Variants in CPAMD8 observed in about 807,000 individuals in gnomAD.
CPAMD8 encodes C3 and PZP-like alpha-2-macroglobulin domain-containing protein 8.
CPAMD8 carries 146 observed loss-of-function variants against 224.7 expected under a neutral mutation model. That is an observed-to-expected ratio of 0.65 (90% CI 0.57 to 0.75). The LOEUF (loss-of-function observed/expected upper bound fraction) is 0.75. Ranked by LOEUF, CPAMD8 falls within the 30% of genes least tolerant of loss-of-function variation. The probability of loss-of-function intolerance (pLI) is 0.00; values close to 1 mark genes in which losing one functional copy is unlikely to be tolerated. For synonymous variants in CPAMD8, 966 were observed against 1,044.6 expected (o/e 0.92, Z 1.45); for missense variants, 2,301 against 2,537.5 (o/e 0.91, Z 2.00).
At position 16,947,243 on chromosome 19, in the gene CPAMD8, T is replaced by C. The variant is rs777693095; in HGVS notation, c.2509-16A>G. ...TCATGTACACCTGCAGAGGGTGGCA[T>C]TGGCTCATGGCGCCTGGAATCCAGA... On this transcript the variant is annotated splice_polypyrimidine_tract_variant and intron_variant, in intron 20 of 41. Transcript: ENST00000443236. The C allele has an allele frequency of 1.5e-5, 24 of 1,602,726 alleles. No individual in the cohort carries two copies. The highest frequency in any genetic ancestry group is 1.9e-5 in the Non-Finnish European group (22 of 1,173,742).
At chr19:17,000,136 A>G in intron 10 of CPAMD8, 1 of 334,024 alleles carries the variant, frequency 3.0e-6, no homozygotes. Flanking sequence ...GAATTTTATC[A>G]TCAGAAAAAT....
At chr19:16,927,252 C>T (rs2053396285) in intron 25 of CPAMD8, among the ~76,000 whole-genome samples, 1 of 152,064 alleles carries the variant, frequency 6.6e-6, no homozygotes, top group Admixed American at 6.5e-5. Flanking sequence ...CCATACTGTT[C>T]TCGCAGTAGT....
intron 30 of CPAMD8, among the ~76,000 whole-genome samples, chr19:16,905,560 GGAAGAAAAGAAAAAAAAA>G (rs2052440732): frequency 1.2e-4 from 13 of 109,468 alleles, no homozygotes; most frequent in Admixed American, 3.8e-4. Flanking sequence ...AAAAAAAAAA[GGAAGAAAAGAAAAAAAAA>G]AAAAAAAAGA....
intron 23 of CPAMD8, among the ~76,000 whole-genome samples, chr19:16,931,860 C>T (rs1435819754): frequency 6.6e-6 from 1 of 152,154 alleles, no homozygotes; most frequent in Non-Finnish European, 1.5e-5. Flanking sequence ...CATATGGAGA[C>T]TACACTACTA....
At chr19:17,013,359 A>C (rs1049752695) in intron 3 of CPAMD8, 1 of 151,660 alleles carries the variant, frequency 6.6e-6, no homozygotes, top group African/African-American at 2.4e-5. Flanking sequence ...AAATACAAAA[A>C]AAATTAGCCA....
intron 19 of CPAMD8, among the ~76,000 whole-genome samples, chr19:16,953,183 A>G (rs1204859751): frequency 6.6e-6 from 1 of 152,162 alleles, no homozygotes; most frequent in Non-Finnish European, 1.5e-5. Context: ...ATGAATTTGG[A>G]CCTTACCTAA....
At chr19:16,992,538 A>G (rs1599863561) in intron 12 of CPAMD8, among the ~76,000 whole-genome samples, 3 of 151,470 alleles carry the variant, frequency 2.0e-5, no homozygotes, top group Admixed American at 2.0e-4. Flanking sequence ...TGCGACTTCC[A>G]CCTCCCGGGT....
chr19:16,941,621 G>A (rs1055233856), intron 22 of CPAMD8, among the ~76,000 whole-genome samples: 2 of 152,130 alleles, frequency 1.3e-5, no homozygotes, highest in African/African-American at 2.4e-5. Flanking sequence ...TCATGGGGGC[G>A]GATTTCCCCC....
chr19:16,915,412 A>G (rs879715001), intron 27 of CPAMD8, among the ~76,000 whole-genome samples: 1 of 152,024 alleles, frequency 6.6e-6, no homozygotes, highest in Non-Finnish European at 1.5e-5. Flanking sequence ...GAAAAAAACG[A>G]GCCCCAGTGC....
At chr19:16,994,508 C>A (rs2056061909) in intron 11 of CPAMD8, among the ~76,000 whole-genome samples, 1 of 146,562 alleles carries the variant, frequency 6.8e-6, no homozygotes, top group Non-Finnish European at 1.5e-5. Flanking sequence ...TCTTCATTAA[C>A]CACTCCCTTT....
chr19:16,894,424 A>C (rs929877139), intron 41 of CPAMD8: 2 of 456,592 alleles, frequency 4.4e-6, no homozygotes, highest in African/African-American at 4.0e-5. Flanking sequence ...CGTTAGGAAG[A>C]GAAGCCGCTC....
In CPAMD8 at chr19:16,972,725, C is replaced by T. The variant is rs1350025948; in HGVS notation, c.2071-1692G>A. On this transcript the variant is annotated intron_variant, in intron 17 of 41. Coordinates refer to ENST00000443236, the MANE Select transcript of CPAMD8 (RefSeq NM_015692.5). ...CTGGGATTACAGGCGTGAGCCACCG[C>T]GCCCAGCCTTTGAATAAGAAATTCA... Among the ~76,000 whole-genome samples the T allele has an allele frequency of 2.6e-5, 4 of 152,144 alleles. No individual in the cohort carries two copies. The East Asian group carries it at 5.8e-4, about 22-fold the overall frequency.
rs754778181 is a variant in CPAMD8, at chr19:17,011,738, C to T, written c.287G>A (p.Gly96Asp). ...IKLKVPTGLR[G>D]QALLKVWGRG... Reference sequence around the variant, plus strand: ...GCCCCACACTTTCAGAAGCGCTTGGCCCCGGAGGCCCGTGGGCACCTGCAG... The same window carrying T: ...GCCCCACACTTTCAGAAGCGCTTGGTCCCGGAGGCCCGTGGGCACCTGCAG... Residue 96 changes from glycine (G) to aspartate (D), a missense_variant, in exon 4 of 42, where the codon GGC becomes GAC. Gly to Asp is a moderately conservative substitution (Grantham distance 94). Transcript: ENST00000443236. 8 of 1,613,712 alleles carry T rather than the reference C, an allele frequency of 5.0e-6. No individual in the cohort carries two copies. Among genetic ancestry groups the T allele is most frequent in the Non-Finnish European group, 6.8e-6 (8 of 1,179,868 alleles).
intron 13 of CPAMD8, among the ~76,000 whole-genome samples, chr19:16,984,481 T>G (rs2055641781): frequency 6.6e-6 from 1 of 152,020 alleles, no homozygotes; most frequent in Non-Finnish European, 1.5e-5. Context: ...GACCTTAGAT[T>G]TGGCAATGGT....
chr19:16,903,386 G>A (rs1404004097), intron 34 of CPAMD8, among the ~76,000 whole-genome samples, 175 bp downstream of exon 34: 2 of 143,608 alleles, frequency 1.4e-5, no homozygotes. Flanking sequence ...ACACCTGAGA[G>A]GACCCATGGC....
chr19:16,965,213 T>C (rs1468377030), intron 18 of CPAMD8, among the ~76,000 whole-genome samples: 1 of 151,730 alleles, frequency 6.6e-6, no homozygotes, highest in South Asian at 2.1e-4. Flanking sequence ...TGAGCCGATA[T>C]CGCACCACTG....
intron 14 of CPAMD8, among the ~76,000 whole-genome samples, chr19:16,978,771 A>G (rs1467138156): frequency 6.6e-6 from 1 of 151,868 alleles, no homozygotes; most frequent in East Asian, 1.9e-4. Context: ...CTATCCACTC[A>G]TCTTTCTATC....
chr19:17,018,715 A>ACACACAC (rs1568609661), intron 3 of CPAMD8, among the ~76,000 whole-genome samples: 6 of 108,060 alleles, frequency 5.6e-5, no homozygotes, highest in African/African-American at 2.7e-4. Flanking sequence ...CTCTACTAAA[A>ACACACAC]ATACACACAC....
At chr19:16,992,077 G>T (rs1010674568) in intron 12 of CPAMD8, among the ~76,000 whole-genome samples, 1 of 151,810 alleles carries the variant, frequency 6.6e-6, no homozygotes. Flanking sequence ...CTGCAGGGCC[G>T]CCAGGTCCAC....
Sources: allele counts gnomAD v4.1 joint callset (sites outside exome capture counted in the v4.1 genomes callset), GRCh38; gene constraint gnomAD v4.1.1; transcripts MANE v1.5; gene names NCBI Gene and HGNC (gene_info 2026-07-23, HGNC 2026-07-21).